KLF8: variants seen among roughly 807,000 people sequenced by gnomAD.
KLF8 encodes the protein KLF transcription factor 8.
KLF8 carries 10 observed loss-of-function variants against 18.2 expected under a neutral mutation model. That is an observed-to-expected ratio of 0.55 (90% CI 0.34 to 0.93). The LOEUF (loss-of-function observed/expected upper bound fraction) is 0.93, where lower values mean the gene tolerates loss of function less well. Ranked by LOEUF, KLF8 falls within the 40% of genes least tolerant of loss-of-function variation. The pLI, the probability that KLF8 is intolerant of heterozygous loss-of-function variation, is 0.02. For synonymous variants in KLF8, 109 were observed against 97.3 expected (o/e 1.12, Z -0.71); for missense variants, 264 against 277.9 (o/e 0.95, Z 0.36).
the KLF8 span, among the ~76,000 whole-genome samples, chrX:56,197,666 G>A: frequency 8.9e-6 from 1 of 111,755 alleles, no homozygotes; most frequent in Non-Finnish European, 1.9e-5. Flanking sequence ...GGTACAAAGA[G>A]GGACTGGCAC....
the KLF8 span, among the ~76,000 whole-genome samples, chrX:55,949,619 T>C: frequency 2.4e-5 from 2 of 84,112 alleles, no homozygotes; most frequent in Non-Finnish European, 5.3e-5. Context: ...GGTGAAACCC[T>C]GTCTCTACTA....
the KLF8 span, among the ~76,000 whole-genome samples, chrX:56,098,931 A>G: frequency 8.9e-6 from 1 of 112,282 alleles, no homozygotes. Context: ...ATTTCTTTAC[A>G]AAAAGGATGA....
the KLF8 span, among the ~76,000 whole-genome samples, chrX:56,158,614 T>A: frequency 8.9e-6 from 1 of 112,020 alleles, no homozygotes; most frequent in African/African-American, 3.2e-5. Context: ...ACATCCCTTG[T>A]AAGTTGGATT....
the KLF8 span, among the ~76,000 whole-genome samples, chrX:56,220,151 G>A: frequency 8.9e-6 from 1 of 112,129 alleles, no homozygotes; most frequent in Admixed American, 9.4e-5. Context: ...ATCACTTGTC[G>A]GTTTATAACA....
the KLF8 span, among the ~76,000 whole-genome samples, chrX:55,946,499 C>T: frequency 3.6e-5 from 4 of 111,459 alleles, no homozygotes; most frequent in Non-Finnish European, 5.7e-5. Context: ...GATGGATTGT[C>T]GACTTAAACG....
chrX:55,924,394 T>A, the KLF8 span, among the ~76,000 whole-genome samples: 3 of 111,719 alleles, frequency 2.7e-5, no homozygotes, highest in Admixed American at 2.9e-4. Context: ...TCTTAATTAA[T>A]CTTTATTGCG....
At chrX:56,030,897 G>A in the KLF8 span, among the ~76,000 whole-genome samples, 1 of 109,624 alleles carries the variant, frequency 9.1e-6, no homozygotes, top group Admixed American at 9.8e-5. Context: ...TGCCTGTCCT[G>A]TTAACCACTG....
chrX:55,974,789 T>C, the KLF8 span, among the ~76,000 whole-genome samples: 2 of 112,427 alleles, frequency 1.8e-5, no homozygotes, highest in Non-Finnish European at 3.8e-5. Context: ...GTAAAGAATG[T>C]CATTAGCATT....
At chrX:55,969,844 T>C in the KLF8 span, among the ~76,000 whole-genome samples, 2 of 111,323 alleles carry the variant, frequency 1.8e-5, no homozygotes, top group Non-Finnish European at 1.9e-5. Flanking sequence ...CTATAAAAAA[T>C]TGATAAATTC....
At chrX:56,052,497 C>T in the KLF8 span, among the ~76,000 whole-genome samples, 2 of 111,751 alleles carry the variant, frequency 1.8e-5, no homozygotes, top group Non-Finnish European at 3.8e-5. Context: ...AGACAGGACC[C>T]TCAGCTGCAT....
At chrX:56,220,339 C>T in the KLF8 span, among the ~76,000 whole-genome samples, 2 of 112,179 alleles carry the variant, frequency 1.8e-5, no homozygotes, top group Non-Finnish European at 3.8e-5. Flanking sequence ...CTGACCTACT[C>T]TATCAGAAAC....
the KLF8 span, among the ~76,000 whole-genome samples, chrX:56,177,018 A>T: frequency 5.4e-5 from 6 of 111,031 alleles, no homozygotes; most frequent in African/African-American, 2.0e-4. Flanking sequence ...TTTTTTTTCA[A>T]GGTTTTTAAC....
the KLF8 span, among the ~76,000 whole-genome samples, chrX:56,094,935 G>T: frequency 9.0e-6 from 1 of 111,095 alleles, no homozygotes; most frequent in East Asian, 2.8e-4. Context: ...GCTGCCCAAA[G>T]AAATCTACAG....
At chrX:56,029,360 G>A in the KLF8 span, among the ~76,000 whole-genome samples, 1 of 111,488 alleles carries the variant, frequency 9.0e-6, no homozygotes, top group African/African-American at 3.3e-5. Flanking sequence ...AAAGGCAAGG[G>A]GCAGTCAGGC....
chrX:56,192,542 G>A, the KLF8 span, among the ~76,000 whole-genome samples: 2 of 111,569 alleles, frequency 1.8e-5, no homozygotes, highest in Admixed American at 1.9e-4. Flanking sequence ...AAAACTGAAG[G>A]AATCATAATA....
At chrX:56,253,927 A>AT (rs780964789) in intron 2 of KLF8, among the ~76,000 whole-genome samples, 10,668 of 86,435 alleles carry the variant, frequency 0.12, 1,520 homozygotes, top group African/African-American at 0.37. Context: ...TGCCCAGCTA[A>AT]TTTTTTTTTT....
chrX:56,013,858 T>C, the KLF8 span, among the ~76,000 whole-genome samples: 1 of 111,700 alleles, frequency 9.0e-6, no homozygotes, highest in African/African-American at 3.3e-5. Context: ...TGGGTATGCC[T>C]TTATTAGTAG....
At position 56,265,430 on chromosome X, in the gene KLF8, C is replaced by G. The variant is rs756190986; in HGVS notation, c.332C>G (p.Pro111Arg). The G allele has an allele frequency of 2.5e-6, 3 of 1,211,818 alleles. No homozygotes were observed. The highest frequency in any genetic ancestry group is 3.4e-6 in the Non-Finnish European group (3 of 895,417). The change falls in exon 3 of 6, where the codon CCC (proline) becomes CGC (arginine). Residue 111 changes from proline (P) to arginine (R), a missense_variant. Pro to Arg is a moderately radical substitution (Grantham distance 103). Coordinates refer to ENST00000468660, the MANE Select transcript of KLF8 (RefSeq NM_007250.5). ...ATGCTACAAGCTCCAATACGTCCCC[C>G]CAAGCCACAGTCTTCTCCCCAGACC... is the stretch of plus-strand genomic sequence containing the variant. ...ASMLQAPIRP[P>R]KPQSSPQTLV...
At chrX:55,926,116 T>C in the KLF8 span, among the ~76,000 whole-genome samples, 1 of 111,866 alleles carries the variant, frequency 8.9e-6, no homozygotes, top group Admixed American at 9.5e-5. Context: ...ATGTGTAACC[T>C]CTGAGTAGAC....
Sources: allele counts gnomAD v4.1 joint callset (sites outside exome capture counted in the v4.1 genomes callset), GRCh38; gene constraint gnomAD v4.1.1; transcripts MANE v1.5; gene names NCBI Gene and HGNC (gene_info 2026-07-23, HGNC 2026-07-21).